ABCA13: variants seen among roughly 807,000 people sequenced by gnomAD.
The protein encoded by ABCA13 is ATP-binding cassette sub-family A member 13.
In ABCA13, 476 loss-of-function variants were observed where a neutral mutation model predicts 478.7. The ratio of observed to expected loss-of-function variants is 0.99; its 90% CI spans 0.92 to 1.07. The LOEUF is 1.07. Among genes scored for constraint, ABCA13 ranks in the 50% least tolerant of loss-of-function variants. ABCA13 has a pLI of 0.00. For missense variants in ABCA13, 6,060 were observed against 5,910.6 expected, an observed-to-expected ratio of 1.03 and a Z score of -0.83; for synonymous variants, 2,252 against 2,158.9, an observed-to-expected ratio of 1.04 and a Z score of -1.20.
rs1428242063 is a variant in ABCA13, at chr7:48,272,471, A to T, written c.2805A>T (p.Glu935Asp). ...NASDLFSALSEPQKQEVDKIL... is the reference protein window; with the variant it reads ...NASDLFSALSDPQKQEVDKIL... Reference sequence around the variant, plus strand: ...CTGATCTTTTCTCAGCCCTTTCTGAACCACAAAAACAAGAAGTTGATAAAA... The same window carrying T: ...CTGATCTTTTCTCAGCCCTTTCTGATCCACAAAAACAAGAAGTTGATAAAA... The change falls in exon 17 of 62, where the codon GAA (glutamate) becomes GAT (aspartate). Residue 935 changes from glutamate (E) to aspartate (D), a missense_variant. Glu to Asp is a conservative substitution (Grantham distance 45). Around this residue, in one of 3 missense-constraint regions of ABCA13, gnomAD observed 4,423 missense variants for 4,309.1 expected, o/e 1.03. Coordinates refer to ENST00000435803, the MANE Select transcript of ABCA13 (RefSeq NM_152701.5). 3 of 1,613,676 alleles carry T rather than the reference A, an allele frequency of 1.9e-6. No individual in the cohort carries two copies. Among genetic ancestry groups the T allele is most frequent in the African/African-American group, 1.3e-5 (1 of 74,910 alleles).
intron 58 of ABCA13, among the ~76,000 whole-genome samples, chr7:48,613,409 C>T (rs1008255689): frequency 2.0e-5 from 3 of 152,016 alleles, no homozygotes; most frequent in East Asian, 3.9e-4. Flanking sequence ...AGGCTGGTCT[C>T]GAACTCCTGA....
At chr7:48,516,663 A>G (rs1832138982) in intron 51 of ABCA13, 62 bp from the exon 52 acceptor site, 2 of 1,532,250 alleles carry the variant, frequency 1.3e-6, no homozygotes, top group Admixed American at 1.7e-5. Flanking sequence ...TGTATCTGCC[A>G]TAGATAAAAC....
At chr7:48,560,997 C>G (rs1786395642) in intron 55 of ABCA13, among the ~76,000 whole-genome samples, 1 of 152,072 alleles carries the variant, frequency 6.6e-6, no homozygotes, top group African/African-American at 2.4e-5. Context: ...ACATAATGTT[C>G]TCTAATTCTG....
chr7:48,459,529 GCCCCC>G, intron 43 of ABCA13, among the ~76,000 whole-genome samples: 1 of 152,120 alleles, frequency 6.6e-6, no homozygotes, highest in East Asian at 1.9e-4. Flanking sequence ...CGGCTCAGAT[GCCCCC>G]TTCCAAGGAT....
At chr7:48,299,849 A>G (rs763386143) in intron 23 of ABCA13, among the ~76,000 whole-genome samples, 3 of 152,124 alleles carry the variant, frequency 2.0e-5, no homozygotes, top group Non-Finnish European at 4.4e-5. Context: ...TCTTGTGTAG[A>G]TGGTTCTGTA....
chr7:48,468,863 CT>C (rs1455745676), intron 44 of ABCA13, among the ~76,000 whole-genome samples: 2 of 152,160 alleles, frequency 1.3e-5, no homozygotes, highest in Admixed American at 1.3e-4. Context: ...ATGAAGAGCT[CT>C]AGAAAAATCC....
At chr7:48,496,825 CTTCT>C (rs1453477122) in intron 48 of ABCA13, among the ~76,000 whole-genome samples, 2 of 151,912 alleles carry the variant, frequency 1.3e-5, no homozygotes, top group Non-Finnish European at 2.9e-5. Flanking sequence ...TATTTTCTTC[CTTCT>C]CTCTTTGTGA....
chr7:48,502,856 G>C (rs1303580701), intron 48 of ABCA13, among the ~76,000 whole-genome samples: 1 of 152,038 alleles, frequency 6.6e-6, no homozygotes, highest in African/African-American at 2.4e-5. Context: ...TGTATTTCTG[G>C]CTACCAACTC....
In ABCA13 at chr7:48,520,334, C is replaced by A. The variant is rs758404473; in HGVS notation, c.14051+40C>A. 13 of 1,536,416 alleles carry A rather than the reference C, an allele frequency of 8.5e-6. No individual in the cohort carries two copies. In the Admixed American group the frequency reaches 2.7e-4, roughly 32 times the overall value. Reference sequence around the variant, plus strand: ...ACTCATCCTCGAGCTGCACTTACTCCTGCAAAATGAGAGGAAGAGAAAAAT... The same window carrying A: ...ACTCATCCTCGAGCTGCACTTACTCATGCAAAATGAGAGGAAGAGAAAAAT... On this transcript the variant is annotated intron_variant, in intron 53 of 61. Coordinates refer to ENST00000435803, the MANE Select transcript of ABCA13 (RefSeq NM_152701.5).
intron 20 of ABCA13, among the ~76,000 whole-genome samples, chr7:48,288,757 A>G (rs1453042019): frequency 2.6e-5 from 4 of 152,176 alleles, no homozygotes; most frequent in Non-Finnish European, 5.9e-5. Flanking sequence ...CAGCATAGCA[A>G]TTTCCTTTTT....
intron 59 of ABCA13, among the ~76,000 whole-genome samples, chr7:48,629,690 T>A (rs1586038735): frequency 6.6e-6 from 1 of 151,994 alleles, no homozygotes; most frequent in Non-Finnish European, 1.5e-5. Flanking sequence ...TGGGCTGGAT[T>A]TGTGCACCTG....
intron 20 of ABCA13, among the ~76,000 whole-genome samples, chr7:48,290,939 G>GAAAAAAAAAAAAAAAAAAA (rs754416012): frequency 1.3e-5 from 1 of 79,606 alleles, no homozygotes; most frequent in Non-Finnish European, 2.3e-5. Context: ...TCACACTCAG[G>GAAAAAAAAAAAAAAAAAAA]GAAAAAAAAA....
chr7:48,224,109 C>T (rs1787800199), intron 5 of ABCA13, among the ~76,000 whole-genome samples: 1 of 152,108 alleles, frequency 6.6e-6, no homozygotes, highest in Admixed American at 6.5e-5. Flanking sequence ...CTGTCTGTTC[C>T]CACCCTGCTG....
intron 23 of ABCA13, among the ~76,000 whole-genome samples, chr7:48,298,853 A>G (rs531968371): frequency 1.5e-4 from 23 of 152,302 alleles, no homozygotes; most frequent in South Asian, 1.0e-3. Context: ...CCCAAAACCA[A>G]AAACAGCTAA....
At chr7:48,310,958 C>T (rs1801688834) in intron 24 of ABCA13, among the ~76,000 whole-genome samples, 1 of 152,134 alleles carries the variant, frequency 6.6e-6, no homozygotes, top group Non-Finnish European at 1.5e-5. Context: ...CCAGAAGCTT[C>T]CCCTCCTTCT....
intron 55 of ABCA13, among the ~76,000 whole-genome samples, chr7:48,555,541 A>G (rs1313924518): frequency 1.3e-5 from 2 of 151,792 alleles, no homozygotes; most frequent in East Asian, 3.8e-4. Flanking sequence ...GAATTTCTTC[A>G]TGGTTCAATC....
At chr7:48,372,835 A>C (rs1000715625) in intron 33 of ABCA13, among the ~76,000 whole-genome samples, 2 of 152,190 alleles carry the variant, frequency 1.3e-5, no homozygotes, top group Non-Finnish European at 2.9e-5. Flanking sequence ...TTTAGAAGTA[A>C]AAAATAAGCA....
intron 1 of ABCA13, among the ~76,000 whole-genome samples, chr7:48,190,040 T>A (rs1796886356): frequency 6.6e-6 from 1 of 152,204 alleles, no homozygotes; most frequent in South Asian, 2.1e-4. Context: ...ACTAAAGTTA[T>A]CATTATGTTT....
intron 55 of ABCA13, among the ~76,000 whole-genome samples, chr7:48,573,624 C>G (rs1162118070): frequency 2.6e-5 from 4 of 152,072 alleles, no homozygotes. Flanking sequence ...GTCTGAGCTA[C>G]TTGGGAGGCT....
Sources: gnomAD v4.1 joint callset for allele counts (sites outside exome capture counted in the v4.1 genomes callset) on GRCh38, gnomAD v4.1.1 for gene constraint, gnomAD v4.1.1 regional missense constraint, MANE v1.5 for transcripts, NCBI Gene and HGNC (gene_info 2026-07-23, HGNC 2026-07-21) for gene names.